Variants in IRF2 observed in about 807,000 individuals in gnomAD.
IRF2 encodes interferon regulatory factor 2.
Under a neutral mutation model 40.6 loss-of-function variants are expected in IRF2, and 15 were observed. The observed-to-expected ratio is 0.37, with a 90% CI of 0.25 to 0.57. The LOEUF (loss-of-function observed/expected upper bound fraction) is 0.57, where lower values mean the gene tolerates loss of function less well. Among genes scored for constraint, IRF2 ranks in the 20% least tolerant of loss-of-function variants. IRF2 has a pLI of 0.77. For synonymous variants in IRF2, 151 were observed against 165.5 expected (o/e 0.91, Z 0.67); for missense variants, 317 against 455.7 (o/e 0.70, Z 2.77).
intron 5 of IRF2, among the ~76,000 whole-genome samples, chr4:184,411,573 A>T (rs949236136): frequency 2.0e-5 from 3 of 149,344 alleles, no homozygotes; most frequent in Non-Finnish European, 4.5e-5. Context: ...ATGGCACAGT[A>T]AAACGGAGCC....
intron 1 of IRF2, among the ~76,000 whole-genome samples, chr4:184,452,770 C>CAA (rs530415114): frequency 1.5e-4 from 8 of 53,822 alleles, no homozygotes; most frequent in African/African-American, 3.1e-4. Context: ...GACCCTGTCT[C>CAA]AAAAAAAAAA....
At position 184,388,587 on chromosome 4, in the gene IRF2, G is replaced by A; in HGVS notation, c.*171C>T. 1 of 653,966 alleles carries A rather than the reference G, an allele frequency of 1.5e-6. No individual in the cohort carries two copies. The highest frequency in any genetic ancestry group is 2.0e-5 in the South Asian group (1 of 49,166). The allele number at this position is 653,966 out of a possible 1,614,324, so 40.5% of individuals were successfully genotyped here. On this transcript the variant is annotated 3_prime_UTR_variant, in exon 9 of 9. Transcript: ENST00000393593. This position sits in a 1 kb window ranked among gnomAD's most constrained non-coding sequence, Gnocchi z 4.6. ...GTCTACCAATGGGCTGGAGTCCTGA[G>A]TTAAAGAGAAGCTCCAGTACTGGAG...
At chr4:184,393,486 C>T (rs1275938255) in intron 7 of IRF2, among the ~76,000 whole-genome samples, 1 of 152,168 alleles carries the variant, frequency 6.6e-6, no homozygotes, top group Non-Finnish European at 1.5e-5. Context: ...CAGCCCCAGT[C>T]GCAGGTGCAG....
chr4:184,418,137 T>C (rs1432987508), intron 5 of IRF2, 30 bp downstream of exon 5: 4 of 1,580,114 alleles, frequency 2.5e-6, no homozygotes, highest in Non-Finnish European at 3.5e-6. Context: ...ATCCCAACTT[T>C]GGCTTTCTCT....
chr4:184,439,995 G>C (rs1014852158), intron 1 of IRF2, among the ~76,000 whole-genome samples: 2 of 152,188 alleles, frequency 1.3e-5, no homozygotes, highest in African/African-American at 4.8e-5. Context: ...GTGTGTTAAC[G>C]TTCACCCAGA....
At chr4:184,470,378 CAT>C (rs1399920461) in intron 1 of IRF2, among the ~76,000 whole-genome samples, 2 of 152,262 alleles carry the variant, frequency 1.3e-5, no homozygotes, top group Middle Eastern at 3.4e-3. Context: ...AATAAATGCA[CAT>C]GAGCCAAGAT....
At chr4:184,412,256 G>A (rs957515136) in intron 5 of IRF2, among the ~76,000 whole-genome samples, 7 of 152,126 alleles carry the variant, frequency 4.6e-5, no homozygotes, top group Non-Finnish European at 7.4e-5. Flanking sequence ...GAGAGTTCAG[G>A]GGCAGGAGCA....
intron 1 of IRF2, among the ~76,000 whole-genome samples, chr4:184,457,640 A>G (rs1738991665): frequency 6.6e-6 from 1 of 152,198 alleles, no homozygotes; most frequent in African/African-American, 2.4e-5. Context: ...AGAAACTTAT[A>G]TAAAAGCACC....
chr4:184,444,318 G>A (rs1738424300), intron 1 of IRF2, among the ~76,000 whole-genome samples: 1 of 152,144 alleles, frequency 6.6e-6, no homozygotes, highest in African/African-American at 2.4e-5. Flanking sequence ...CTCCACAACT[G>A]TAGAAGCCAT....
At chr4:184,427,238 G>A (rs934994913) in intron 2 of IRF2, among the ~76,000 whole-genome samples, 1 of 152,206 alleles carries the variant, frequency 6.6e-6, no homozygotes, top group African/African-American at 2.4e-5. Context: ...ATACATTGTG[G>A]TAAGACCTTG....
At chr4:184,442,138 C>T (rs1423861829) in intron 1 of IRF2, among the ~76,000 whole-genome samples, 4 of 152,184 alleles carry the variant, frequency 2.6e-5, no homozygotes, top group Non-Finnish European at 5.9e-5. Context: ...TTCCCAGCCT[C>T]CTTTATGCAG....
chr4:184,439,564 T>C (rs940642468), intron 1 of IRF2, among the ~76,000 whole-genome samples: 11 of 152,288 alleles, frequency 7.2e-5, no homozygotes, highest in African/African-American at 2.4e-4. Flanking sequence ...GATTTCATCA[T>C]TAATGGAATA....
rs545021550 is a variant in IRF2 at position 184,407,410 on chromosome 4, T to C, written c.529+748A>G. ...ACAGGAGAGAAGGAACATCAGAAGA[T>C]GTGTCTTCATTGTAAAGAGCCTGCA... On this transcript the variant is annotated intron_variant, in intron 6 of 8. Coordinates refer to ENST00000393593, the MANE Select transcript of IRF2 (RefSeq NM_002199.4). 3.0e-4 allele frequency: 112 copies of C among 371,520 alleles called. 5 individuals carry two copies. Among genetic ancestry groups the C allele is most frequent in the South Asian group, 2.4e-3 (112 of 46,208 alleles). The allele number at this position is 371,520 out of a possible 1,614,324, so 23.0% of individuals were successfully genotyped here. A position where few individuals can be genotyped will look rare whatever the true frequency, so the allele number is the denominator to read the frequency against.
intron 1 of IRF2, among the ~76,000 whole-genome samples, chr4:184,457,206 G>C (rs1487013744): frequency 1.3e-5 from 2 of 152,260 alleles, no homozygotes; most frequent in Admixed American, 6.5e-5. Flanking sequence ...TGTTGACCTT[G>C]ACAGAGGGGA....
At chr4:184,394,864 C>CT (rs1249713665) in intron 7 of IRF2, among the ~76,000 whole-genome samples, 1 of 152,232 alleles carries the variant, frequency 6.6e-6, no homozygotes, top group Non-Finnish European at 1.5e-5. Context: ...CAAAGTGGCA[C>CT]TTTGAAATGT....
intron 1 of IRF2, among the ~76,000 whole-genome samples, chr4:184,449,279 C>A (rs1196517453): frequency 2.6e-5 from 4 of 152,228 alleles, no homozygotes; most frequent in African/African-American, 9.6e-5. Flanking sequence ...GTCTCTGCGT[C>A]TGTCACCCCT....
At chr4:184,429,141 A>G in intron 1 of IRF2, 71 bp from the exon 2 acceptor site, 2 of 1,015,414 alleles carry the variant, frequency 2.0e-6, no homozygotes, top group South Asian at 1.3e-5. Flanking sequence ...AGAGTTCTAC[A>G]CCCCGCCTGA....
chr4:184,427,031 G>A (rs538710830), intron 2 of IRF2, among the ~76,000 whole-genome samples: 3 of 152,306 alleles, frequency 2.0e-5, no homozygotes, highest in Admixed American at 2.0e-4. Flanking sequence ...CTGAGTACAA[G>A]TCAGCTTTCA....
chr4:184,437,194 T>C (rs557080808), intron 1 of IRF2, among the ~76,000 whole-genome samples: 1 of 152,324 alleles, frequency 6.6e-6, no homozygotes, highest in Admixed American at 6.5e-5. Context: ...TAGCTGAGAT[T>C]ACAGGCATGC....
Sources: allele counts gnomAD v4.1 joint callset (sites outside exome capture counted in the v4.1 genomes callset), GRCh38; gene constraint gnomAD v4.1.1; non-coding constraint Gnocchi (gnomAD v3.1); transcripts MANE v1.5; gene names NCBI Gene and HGNC (gene_info 2026-07-23, HGNC 2026-07-21).